Variants in FAS observed in about 807,000 individuals in gnomAD.
FAS encodes tumor necrosis factor receptor superfamily member 6.
FAS carries 5 observed loss-of-function variants against 33.2 expected under a neutral mutation model. That is an observed-to-expected ratio of 0.15 (90% CI 0.08 to 0.32). FAS has a LOEUF of 0.32. FAS is among the 10% of genes least tolerant of loss of function. FAS has a pLI of 1.00. For missense variants in FAS, 339 were observed against 386.0 expected (o/e 0.88, Z 1.02); for synonymous variants, 131 against 130.7 (o/e 1.00, Z -0.01).
chr10:88,984,683 A>ATTCATGAAACCACTGGGCCAGGCCCAG (rs1218077165), upstream of FAS, among the ~76,000 whole-genome samples: 282 of 152,308 alleles, frequency 1.9e-3, 1 homozygote, highest in Admixed American at 3.8e-3. Context: ...TCTTATGTTT[A>ATTCATGAAACCACTGGGCCAGGCCCAG]GTTATTCATG....
At position 89,014,296 on chromosome 10, in the gene FAS, A is replaced by G. The variant is rs770556399; in HGVS notation, c.854A>G (p.His285Arg). 8.1e-6 allele frequency: 13 copies of G among 1,614,030 alleles called. No homozygotes were observed. The South Asian group carries it at 1.4e-4, about 18-fold the overall frequency. ...CTGCTTCGTAATTGGCATCAACTTC[A>G]TGGAAAGAAAGAAGCGTATGACACA... ...VQLLRNWHQL[H>R]GKKEAYDTLI... The change falls in exon 9 of 9, where the codon CAT becomes CGT. Residue 285 changes from histidine (H) to arginine (R), a missense_variant. His to Arg is a conservative substitution (Grantham distance 29). Around this residue, in one of 3 missense-constraint regions of FAS, gnomAD observed 11 missense variants for 33.2 expected, o/e 0.33. Coordinates refer to ENST00000652046, the MANE Select transcript of FAS (RefSeq NM_000043.6).
At chr10:89,012,204 GT>G in intron 7 of FAS, 123 bp downstream of exon 7, 1 of 859,740 alleles carries the variant, frequency 1.2e-6, no homozygotes, top group Non-Finnish European at 1.9e-6. Context: ...TTGAGATGGA[GT>G]CTTGCTCCAT....
At chr10:88,967,287 T>A (rs1846336027) in intron 1 of FAS, among the ~76,000 whole-genome samples, 1 of 152,312 alleles carries the variant, frequency 6.6e-6, no homozygotes, top group South Asian at 2.1e-4. Context: ...ATAAAAGGCA[T>A]CATCAGGTAG....
chr10:89,005,989 A>G (rs1848206196), intron 2 of FAS, among the ~76,000 whole-genome samples: 1 of 152,180 alleles, frequency 6.6e-6, no homozygotes, highest in South Asian at 2.1e-4. Context: ...CATTTCTATA[A>G]TAAGCATATG....
rs755532307 is a variant in FAS at position 89,012,067 on chromosome 10, C to T, written c.637C>T (p.Pro213Ser). The change falls in exon 7 of 9, where the codon CCA (proline) becomes TCA (serine). Residue 213 changes from proline to serine, a missense_variant. Transcript: ENST00000652046. ...GGAAAACCAAGGTTCTCATGAATCT[C>T]CAACTTTAAATCCTGTAGGTATTGA... is the stretch of plus-strand genomic sequence containing the variant. ...RKENQGSHESPTLNPETVAIN... is the reference protein window; with the variant it reads ...RKENQGSHESSTLNPETVAIN... 4 of 1,613,328 alleles carry T rather than the reference C, an allele frequency of 2.5e-6. No individual in the cohort carries two copies. In the Admixed American group the frequency reaches 5.0e-5, roughly 20 times the overall value.
At position 89,014,305 on chromosome 10, in the gene FAS, A is replaced by G. The variant is rs1205772065; in HGVS notation, c.863A>G (p.Lys288Arg). The G allele has an allele frequency of 5.6e-6, 9 of 1,613,868 alleles. No individual in the cohort carries two copies. Among genetic ancestry groups the G allele is most frequent in the Non-Finnish European group, 7.6e-6 (9 of 1,179,944 alleles). The change falls in exon 9 of 9, where the codon AAA becomes AGA. Residue 288 changes from lysine (K) to arginine (R), a missense_variant. Physicochemically the swap from Lys to Arg is conservative, Grantham distance 26. Transcript: ENST00000652046. ...AATTGGCATCAACTTCATGGAAAGAAAGAAGCGTATGACACATTGATTAAA... is the reference window on the plus strand; with the variant it reads ...AATTGGCATCAACTTCATGGAAAGAGAGAAGCGTATGACACATTGATTAAA... Reference protein sequence around the residue: ...LRNWHQLHGKKEAYDTLIKDL... With the variant: ...LRNWHQLHGKREAYDTLIKDL...
exon 2 of FAS, chr10:88,973,305 C>A: frequency 6.2e-7 from 1 of 1,609,832 alleles, no homozygotes; most frequent in South Asian, 1.1e-5. Flanking sequence ...ACCATCTGAA[C>A]AGCTCTGAGA....
upstream of FAS, among the ~76,000 whole-genome samples, chr10:88,982,701 G>A (rs1453964145): frequency 1.3e-5 from 2 of 152,140 alleles, no homozygotes; most frequent in Admixed American, 1.3e-4. Context: ...TATTTATGTA[G>A]TCAAGTAAGA....
At chr10:88,987,336 G>A (rs1428573637), upstream of FAS, among the ~76,000 whole-genome samples, 1 of 152,180 alleles carries the variant, frequency 6.6e-6, no homozygotes, top group Non-Finnish European at 1.5e-5. Flanking sequence ...GATTTTTTCA[G>A]TTGTAAGAAT....
At chr10:88,990,364 A>G (rs1564668964), upstream of FAS, among the ~76,000 whole-genome samples, 1 of 152,016 alleles carries the variant, frequency 6.6e-6, no homozygotes, top group Non-Finnish European at 1.5e-5. This position sits in a 1 kb window ranked among gnomAD's most constrained non-coding sequence, Gnocchi z 4.9. Flanking sequence ...GACCTCCCCA[A>G]CTTCCCAGGT....
chr10:88,965,964 A>C (rs1344359283), intron 1 of FAS, among the ~76,000 whole-genome samples: 1 of 152,180 alleles, frequency 6.6e-6, no homozygotes, highest in African/African-American at 2.4e-5. Context: ...AGTTTCCTAA[A>C]GCATGGCCTG....
chr10:89,007,622 C>T (rs2133501326), intron 2 of FAS, 78 bp from the exon 3 acceptor site: 2 of 1,524,810 alleles, frequency 1.3e-6, no homozygotes, highest in South Asian at 2.3e-5. Flanking sequence ...GTTTTATTGT[C>T]TGTCATCCCT....
At chr10:88,978,740 G>C (rs999678034) in intron 2 of FAS, among the ~76,000 whole-genome samples, 1 of 152,126 alleles carries the variant, frequency 6.6e-6, no homozygotes, top group African/African-American at 2.4e-5. Context: ...CTGAGAGGGG[G>C]AGTTTATTAA....
chr10:88,964,212 T>C (rs985671066), intron 1 of FAS, among the ~76,000 whole-genome samples: 2 of 152,260 alleles, frequency 1.3e-5, no homozygotes, highest in Middle Eastern at 3.4e-3. Context: ...CGAATTCTTA[T>C]CTGGAACCCC....
At chr10:88,983,989 A>G (rs748111573), upstream of FAS, among the ~76,000 whole-genome samples, 11 of 152,134 alleles carry the variant, frequency 7.2e-5, no homozygotes, top group Admixed American at 7.2e-4. Context: ...AAAACTCTTT[A>G]GATGCATGCA....
rs2043841201 is a variant in FAS at position 89,010,940 on chromosome 10, C to A, written c.568+125C>A. ...AGATTTATGTATTGTTAATTTCTTG[C>A]CCCTGAATGCAGCCTTGAGAGCTGA... On this transcript the variant is annotated intron_variant, in intron 6 of 8. Coordinates refer to ENST00000652046, the MANE Select transcript of FAS (RefSeq NM_000043.6). The A allele has an allele frequency of 7.4e-6, 8 of 1,086,338 alleles. No individual in the cohort carries two copies. The South Asian group carries it at 7.6e-5, about 10-fold the overall frequency. 67.3% of individuals were successfully genotyped at this position (1,086,338 alleles called of 1,614,324 possible).
intron 4 of FAS, 34 bp from the exon 5 acceptor site, chr10:89,010,505 G>A (rs774801387): frequency 1.9e-6 from 3 of 1,575,760 alleles, no homozygotes; most frequent in East Asian, 2.2e-5. Context: ...TATTCTGCCA[G>A]GCTTTTGAAT....
Position 89,003,214 on chromosome 10 carries a change from C to T in FAS, c.196+20C>T. On this transcript the variant is annotated intron_variant, in intron 2 of 8. Coordinates refer to ENST00000652046, the MANE Select transcript of FAS (RefSeq NM_000043.6). ...CTCCAGGTATGTTACACAAAACATCCAGAGATTACAGTGAAAGTCACAGTT... is the reference window on the plus strand; with the variant it reads ...CTCCAGGTATGTTACACAAAACATCTAGAGATTACAGTGAAAGTCACAGTT... 1 of 1,613,752 alleles carries T rather than the reference C, an allele frequency of 6.2e-7. No individual in the cohort carries two copies. The highest frequency in any genetic ancestry group is 8.5e-7 in the Non-Finnish European group (1 of 1,179,800).
chr10:89,014,102 T>G lies in FAS; in HGVS notation c.677-17T>G. The G allele has an allele frequency of 6.2e-7, 1 of 1,611,170 alleles. No individual in the cohort carries two copies. Among genetic ancestry groups the G allele is most frequent in the East Asian group, 2.2e-5 (1 of 44,836 alleles). On this transcript the variant is annotated splice_polypyrimidine_tract_variant and intron_variant, in intron 8 of 8. Transcript: ENST00000652046. ...CATTTAGAAAAACAAATTTTCAGAC[T>G]ATTTTCTATTTTTCAGATGTTGACT...
Sources: allele counts gnomAD v4.1 joint callset (sites outside exome capture counted in the v4.1 genomes callset), GRCh38; gene constraint gnomAD v4.1.1; regional missense constraint gnomAD v4.1.1; non-coding constraint Gnocchi (gnomAD v3.1); transcripts MANE v1.5; gene names NCBI Gene and HGNC (gene_info 2026-07-23, HGNC 2026-07-21).